Variants in OVCH1 observed in about 807,000 individuals in gnomAD.
The protein encoded by OVCH1 is ovochymase 1.
In OVCH1, 139 loss-of-function variants were observed where a neutral mutation model predicts 138.4. That is an observed-to-expected ratio of 1.00 (90% CI 0.87 to 1.16). The LOEUF (loss-of-function observed/expected upper bound fraction) is 1.16. Among genes scored for constraint, OVCH1 ranks in the 50% most tolerant of loss-of-function variants. OVCH1 has a pLI of 0.00. For missense variants in OVCH1, 1,367 were observed against 1,357.9 expected (o/e 1.01, Z -0.11); for synonymous variants, 453 against 467.8 (o/e 0.97, Z 0.41).
intron 26 of OVCH1, among the ~76,000 whole-genome samples, chr12:29,438,339 A>G (rs1941402480): frequency 6.6e-6 from 1 of 152,098 alleles, no homozygotes; most frequent in South Asian, 2.1e-4. Context: ...GTTTTAGAGT[A>G]TACTTTAATA....
chr12:29,432,119 C>T (rs1445942758), intron 27 of OVCH1, among the ~76,000 whole-genome samples: 1 of 152,098 alleles, frequency 6.6e-6, no homozygotes, highest in Non-Finnish European at 1.5e-5. Flanking sequence ...GAAGTGAGCA[C>T]TGGGAAAAGT....
intron 22 of OVCH1, among the ~76,000 whole-genome samples, chr12:29,447,928 C>T (rs1419052123): frequency 6.6e-6 from 1 of 151,686 alleles, no homozygotes; most frequent in South Asian, 2.1e-4. Context: ...TACAAACAGG[C>T]AAAAATTCCA....
intron 19 of OVCH1, among the ~76,000 whole-genome samples, chr12:29,455,678 C>T (rs1941929042): frequency 6.6e-6 from 1 of 152,130 alleles, no homozygotes; most frequent in South Asian, 2.1e-4. Flanking sequence ...ATCTTCCCAG[C>T]CCCATCGGAG....
chr12:29,445,141 T>C, intron 23 of OVCH1, 137 bp downstream of exon 23: 1 of 1,015,142 alleles, frequency 9.9e-7, no homozygotes, highest in Non-Finnish European at 1.4e-6. Flanking sequence ...TTAAGTAGAT[T>C]TTCCTTTCAA....
chr12:29,441,524 C>G (rs904649076), intron 25 of OVCH1, among the ~76,000 whole-genome samples: 4 of 152,160 alleles, frequency 2.6e-5, no homozygotes, highest in South Asian at 4.1e-4. Context: ...AACCCTAGAA[C>G]AAAACCTAGG....
intron 21 of OVCH1, among the ~76,000 whole-genome samples, chr12:29,454,500 A>G (rs919753755): frequency 1.3e-5 from 2 of 152,192 alleles, no homozygotes; most frequent in Non-Finnish European, 2.9e-5. Flanking sequence ...AGTCTTGGTC[A>G]TCTCATACCC....
rs1275532509 is a variant in OVCH1 at position 29,444,143 on chromosome 12, A to G, written c.3017+2T>C. ...CCATTATAATAATCATGACTTCCTTACCCCATAGTAGTTCTGTGAGAATTT... is the reference window on the plus strand; with the variant it reads ...CCATTATAATAATCATGACTTCCTTGCCCCATAGTAGTTCTGTGAGAATTT... On this transcript the variant is annotated splice_donor_variant, in intron 24 of 27. Coordinates refer to ENST00000318184, the Ensembl canonical transcript of OVCH1. LOFTEE classifies it high-confidence loss of function. The G allele has an allele frequency of 1.3e-6, 2 of 1,593,344 alleles. No homozygotes were observed. The highest frequency in any genetic ancestry group is 1.7e-6 in the Non-Finnish European group (2 of 1,171,836).
chr12:29,475,010 G>A (rs1942652492), intron 14 of OVCH1, 51 bp downstream of exon 14: 3 of 1,533,206 alleles, frequency 2.0e-6, no homozygotes, highest in Admixed American at 2.0e-5. Flanking sequence ...TATCTTCCCT[G>A]TAACCATTTG....
At chr12:29,413,113 C>T (rs1009502417) in intron 3 of OVCH1, among the ~76,000 whole-genome samples, 2 of 151,834 alleles carry the variant, frequency 1.3e-5, no homozygotes, top group African/African-American at 2.4e-5. Context: ...CCTTTTGCCT[C>T]AGCCTCCCAA....
intron 4 of OVCH1, 134 bp from the exon 5 acceptor site, chr12:29,491,326 G>T (rs1334175317): frequency 1.4e-6 from 1 of 734,618 alleles, no homozygotes; most frequent in South Asian, 2.0e-5. Flanking sequence ...TTTAAGTTTT[G>T]GCCCCTCCAT....
At chr12:29,476,749 A>ACGCGCGCGCGCGCG (rs145053170) in intron 12 of OVCH1, among the ~76,000 whole-genome samples, 2 of 17,200 alleles carry the variant, frequency 1.2e-4, no homozygotes, top group African/African-American at 2.1e-4. Flanking sequence ...ATAAGTACAC[A>ACGCGCGCGCGCGCG]CGCGCGCACA....
chr12:29,487,515 A>G, intron 7 of OVCH1, 178 bp downstream of exon 7: 1 of 568,194 alleles, frequency 1.8e-6, no homozygotes, highest in Non-Finnish European at 2.9e-6. Flanking sequence ...GGTTTGTTCA[A>G]GTTATATTGA....
At chr12:29,449,147 C>T (rs1368103565) in intron 22 of OVCH1, among the ~76,000 whole-genome samples, 1 of 151,946 alleles carries the variant, frequency 6.6e-6, no homozygotes, top group African/African-American at 2.4e-5. Context: ...TTTTCATTCA[C>T]CTTCCTCCCC....
chr12:29,427,501 A>G, downstream of OVCH1: 1 of 1,540,012 alleles, frequency 6.5e-7, no homozygotes, highest in Non-Finnish European at 8.8e-7. Flanking sequence ...AGGACGTGAA[A>G]CTTGAGACAG....
the OVCH1 span, among the ~76,000 whole-genome samples, chr12:29,405,021 CAAAAAAAAAAAAAAAAAA>C: frequency 2.5e-5 from 2 of 80,440 alleles, no homozygotes; most frequent in Non-Finnish European, 4.3e-5. Flanking sequence ...CACTCCACCT[CAAAAAAAAAAAAAAAAAA>C]AAAAAAAAAA....
intron 3 of OVCH1, among the ~76,000 whole-genome samples, chr12:29,417,794 T>C (rs906050419): frequency 6.7e-6 from 1 of 150,312 alleles, no homozygotes; most frequent in Non-Finnish European, 1.5e-5. Context: ...TGTGTGTGTG[T>C]CTGTGTCTGT....
chr12:29,455,623 AG>A (rs1461032064), intron 19 of OVCH1, among the ~76,000 whole-genome samples: 1 of 152,214 alleles, frequency 6.6e-6, no homozygotes, highest in Non-Finnish European at 1.5e-5. Context: ...TCCAGGGTGA[AG>A]ATAAAGCTTA....
intron 3 of OVCH1, among the ~76,000 whole-genome samples, chr12:29,415,547 A>G (rs952916225): frequency 7.2e-6 from 1 of 138,030 alleles, no homozygotes; most frequent in African/African-American, 2.6e-5. Context: ...CTAACAAAAT[A>G]CCATTTACAA....
intron 27 of OVCH1, among the ~76,000 whole-genome samples, chr12:29,432,089 A>C (rs1941280112): frequency 1.3e-5 from 2 of 152,206 alleles, no homozygotes; most frequent in South Asian, 4.1e-4. Flanking sequence ...AACAGCAGCA[A>C]GGTTGGCATG....
Sources: gnomAD v4.1 joint callset for allele counts (sites outside exome capture counted in the v4.1 genomes callset) on GRCh38, gnomAD v4.1.1 for gene constraint, MANE v1.5 for transcripts, NCBI Gene and HGNC (gene_info 2026-07-23, HGNC 2026-07-21) for gene names.